The following FAM161A variants were observed in gnomAD, a reference collection of about 807,000 sequenced individuals.
FAM161A encodes the protein FAM161 centrosomal protein A.
Under a neutral mutation model 70.9 loss-of-function variants are expected in FAM161A, and 57 were observed. The ratio of observed to expected loss-of-function variants is 0.80; its 90% CI spans 0.65 to 1.00. FAM161A has a LOEUF of 1.00. Ranked by LOEUF, FAM161A falls within the 50% of genes least tolerant of loss-of-function variation. The pLI is 0.00. For missense variants in FAM161A, 880 were observed against 836.0 expected (o/e 1.05, Z -0.65); for synonymous variants, 299 against 295.7 (o/e 1.01, Z -0.12).
At chr2:61,820,236 G>A (rs1672175061), downstream of FAM161A, 1 of 615,672 alleles carries the variant, frequency 1.6e-6, no homozygotes, top group African/African-American at 1.8e-5. Flanking sequence ...CCAAGCAGCT[G>A]TGGCAGCTCT....
At chr2:61,809,608 G>A in the FAM161A span, among the ~76,000 whole-genome samples, 13 of 152,304 alleles carry the variant, frequency 8.5e-5, no homozygotes, top group African/African-American at 3.1e-4. Flanking sequence ...GAATTTGGGG[G>A]TTGGGGGAGA....
chr2:61,827,058 A>G, intron 6 of FAM161A, 46 bp downstream of exon 6: 2 of 1,595,014 alleles, frequency 1.3e-6, no homozygotes, highest in African/African-American at 1.3e-5. Flanking sequence ...TCTGCAGGTA[A>G]TAATTTTTTC....
chr2:61,843,402 T>A (rs2105089076), intron 1 of FAM161A, among the ~76,000 whole-genome samples: 1 of 152,102 alleles, frequency 6.6e-6, no homozygotes, highest in South Asian at 2.1e-4. Context: ...GCTGGGATTA[T>A]GGGCATGAGC....
At chr2:61,828,140 G>C (rs1439941921) in intron 5 of FAM161A, among the ~76,000 whole-genome samples, 1 of 152,142 alleles carries the variant, frequency 6.6e-6, no homozygotes, top group East Asian at 1.9e-4. Context: ...AGAGGGCTGT[G>C]ATCTGCAATG....
downstream of FAM161A, among the ~76,000 whole-genome samples, chr2:61,823,455 C>T (rs542658330): frequency 1.3e-5 from 2 of 150,652 alleles, no homozygotes; most frequent in Admixed American, 6.7e-5. Context: ...GCCTCAACCA[C>T]CTGGGCTGAA....
chr2:61,812,431 C>T, the FAM161A span, among the ~76,000 whole-genome samples: 1 of 152,088 alleles, frequency 6.6e-6, no homozygotes, highest in Non-Finnish European at 1.5e-5. Flanking sequence ...TAAAACATTC[C>T]ATACTTTAGT....
chr2:61,853,870 C>A lies in FAM161A; in HGVS notation c.172G>T (p.Ala58Ser). 1 of 1,613,932 alleles carries A rather than the reference C, an allele frequency of 6.2e-7. No homozygotes were observed. Among genetic ancestry groups the A allele is most frequent in the Non-Finnish European group, 8.5e-7 (1 of 1,179,822 alleles). The change falls in exon 1 of 7, where the codon GCT becomes TCT. Residue 58 changes from alanine to serine, a missense_variant. Physicochemically the swap from Ala to Ser is moderately conservative, Grantham distance 99. Coordinates refer to ENST00000404929, the MANE Select transcript of FAM161A (RefSeq NM_001201543.2). The part of the protein sequence containing the change: ...DEEEEKVAQP[A>S]GASADLNTSF... ...CGCCCCAGTATTACCGATGCCCCAGCGGGCTGAGCCACTTTCTCCTCCTCT... is the reference window on the plus strand; with the variant it reads ...CGCCCCAGTATTACCGATGCCCCAGAGGGCTGAGCCACTTTCTCCTCCTCT...
rs1558483916 is a variant in FAM161A, at chr2:61,839,953, TC to T, written c.1050del (p.Thr352GlnfsTer22). 6.2e-7 allele frequency: 1 copy of T among 1,614,242 alleles called. No homozygotes were observed. Among genetic ancestry groups the T allele is most frequent in the Admixed American group, 1.7e-5 (1 of 60,024 alleles). ...GGTCTGGCTTTAAATCGATTTGTTT[TC>T]TTTTTATACTTAAGAAAGTCTCTCA... ...KQLRDFLKYK[K>X]KTNRFKARPI... is the part of the protein sequence containing the mutation. On this transcript the variant is annotated frameshift_variant, in exon 3 of 7. Transcript: ENST00000404929. LOFTEE classifies it high-confidence loss of function.
At chr2:61,853,773 G>T in intron 1 of FAM161A, 86 bp downstream of exon 1, 1 of 1,495,874 alleles carries the variant, frequency 6.7e-7, no homozygotes, top group Non-Finnish European at 9.2e-7. Context: ...TTACCAGCCT[G>T]CCCTCAGCTG....
intron 1 of FAM161A, chr2:61,847,059 G>A (rs947429799): frequency 1.8e-4 from 67 of 363,386 alleles, no homozygotes; most frequent in African/African-American, 1.4e-3. Context: ...CTACTCGGGA[G>A]GCTGAGGCAG....
At chr2:61,806,680 CTTTT>C in the FAM161A span, among the ~76,000 whole-genome samples, 6 of 61,566 alleles carry the variant, frequency 9.7e-5, no homozygotes, top group Non-Finnish European at 1.5e-4. Flanking sequence ...CTTTCCACGT[CTTTT>C]TTTTTTTTTT....
the FAM161A span, among the ~76,000 whole-genome samples, chr2:61,812,345 G>A: frequency 6.6e-6 from 1 of 152,168 alleles, no homozygotes; most frequent in South Asian, 2.1e-4. Context: ...ATGTATTGTG[G>A]GACAGTCTGA....
intron 5 of FAM161A, among the ~76,000 whole-genome samples, chr2:61,828,170 T>G (rs1414979071): frequency 6.6e-6 from 1 of 152,040 alleles, no homozygotes; most frequent in Non-Finnish European, 1.5e-5. Context: ...GTTTTTGGGG[T>G]GCTGGCAATG....
intron 4 of FAM161A, 60 bp downstream of exon 4, chr2:61,838,477 GA>G: frequency 7.2e-7 from 1 of 1,395,058 alleles, no homozygotes; most frequent in Admixed American, 2.0e-5. Flanking sequence ...ACTATCTACT[GA>G]TTAAAAAAAA....
At chr2:61,839,388 TG>T in intron 3 of FAM161A, 32 bp downstream of exon 3, 1 of 1,607,032 alleles carries the variant, frequency 6.2e-7, no homozygotes, top group Non-Finnish European at 8.5e-7. Context: ...CTGGCAACCA[TG>T]AGTCAGTCAG....
At position 61,840,558 on chromosome 2, in the gene FAM161A, TAGG is replaced by T; in HGVS notation, c.443_445del (p.Ser148del). 6.2e-7 allele frequency: 1 copy of T among 1,611,894 alleles called. No homozygotes were observed. Among genetic ancestry groups the T allele is most frequent in the Non-Finnish European group, 8.5e-7 (1 of 1,177,962 alleles). The stretch of plus-strand genomic sequence containing the variant: ...TGATGTCATTAATGAGACAGGGTGA[TAGG>T]AGTTCTTTTCTGATACAGATCTAAA... On this transcript the variant is annotated inframe_deletion, in exon 3 of 7. Coordinates refer to ENST00000404929, the MANE Select transcript of FAM161A (RefSeq NM_001201543.2).
the FAM161A span, among the ~76,000 whole-genome samples, chr2:61,807,324 A>G: frequency 6.6e-6 from 1 of 151,862 alleles, no homozygotes; most frequent in African/African-American, 2.4e-5. Context: ...GAAAAAGAAT[A>G]AATCACAAAA....
At chr2:61,829,978 TA>T (rs35728481) in intron 5 of FAM161A, among the ~76,000 whole-genome samples, 85 of 146,512 alleles carry the variant, frequency 5.8e-4, no homozygotes, top group African/African-American at 6.0e-4. Flanking sequence ...AAAAATGTAC[TA>T]AAAAAAAAAA....
At chr2:61,812,898 T>C in the FAM161A span, among the ~76,000 whole-genome samples, 1 of 151,360 alleles carries the variant, frequency 6.6e-6, no homozygotes, top group Non-Finnish European at 1.5e-5. Context: ...TGAAACCCCA[T>C]CTCTACTAAA....
Sources: allele counts gnomAD v4.1 joint callset (sites outside exome capture counted in the v4.1 genomes callset), GRCh38; gene constraint gnomAD v4.1.1; transcripts MANE v1.5; gene names NCBI Gene and HGNC (gene_info 2026-07-23, HGNC 2026-07-21).